TTC23: variants seen among roughly 807,000 people sequenced by gnomAD.
TTC23 encodes tetratricopeptide repeat domain 23, also known as tetratricopeptide repeat protein 23.
In TTC23, 58 loss-of-function variants were observed where a neutral mutation model predicts 55.1. That is an observed-to-expected ratio of 1.05 (90% CI 0.85 to 1.31). TTC23 has a LOEUF of 1.31. Ranked by LOEUF, TTC23 falls within the 50% of genes most tolerant of loss-of-function variation. The probability of loss-of-function intolerance (pLI) is 0.00; values close to 1 mark genes in which losing one functional copy is unlikely to be tolerated. For missense variants in TTC23, 516 were observed against 534.4 expected, an observed-to-expected ratio of 0.97 and a Z score of 0.34; for synonymous variants, 203 against 199.9, an observed-to-expected ratio of 1.02 and a Z score of -0.13.
At chr15:99,184,588 T>C (rs2074485769) in intron 9 of TTC23, among the ~76,000 whole-genome samples, 1 of 152,208 alleles carries the variant, frequency 6.6e-6, no homozygotes, top group South Asian at 2.1e-4. Context: ...TGAACGGGTG[T>C]ATTTACCCAA....
At chr15:99,237,421 A>G (rs1422134247) in intron 3 of TTC23, among the ~76,000 whole-genome samples, 3 of 152,264 alleles carry the variant, frequency 2.0e-5, no homozygotes, top group Non-Finnish European at 4.4e-5. Flanking sequence ...GTAAATGGGT[A>G]AGCAAACTGT....
intron 4 of TTC23, among the ~76,000 whole-genome samples, chr15:99,234,520 G>A (rs1477574536): frequency 1.3e-5 from 2 of 152,124 alleles, no homozygotes; most frequent in East Asian, 1.9e-4. Flanking sequence ...ACAGGTGCCC[G>A]CCACCATGCC....
chr15:99,245,212 T>G (rs1218493773), intron 2 of TTC23, among the ~76,000 whole-genome samples, 177 bp downstream of exon 2: 1 of 152,078 alleles, frequency 6.6e-6, no homozygotes, highest in Non-Finnish European at 1.5e-5. Flanking sequence ...GGTACTGGCA[T>G]AAGAAATGAC....
At position 99,139,758 on chromosome 15, in the gene TTC23, A is replaced by G. The variant is rs183517945; in HGVS notation, c.1144-359T>C. On this transcript the variant is annotated intron_variant, in intron 12 of 13. Coordinates refer to ENST00000394132, the MANE Select transcript of TTC23 (RefSeq NM_001288615.3). ...CCTTGTTATAGCCTGGAAAAGATTT[A>G]AAAAAATAGTTTTGTTTTTTTTGTA... 6 of 1,313,354 alleles carry G rather than the reference A, an allele frequency of 4.6e-6. No homozygotes were observed. In the Middle Eastern group the frequency reaches 7.4e-4, roughly 162 times the overall value. The allele number at this position is 1,313,354 out of a possible 1,614,324, so 81.4% of individuals were successfully genotyped here.
intron 10 of TTC23, among the ~76,000 whole-genome samples, chr15:99,169,110 C>G (rs2072558866): frequency 1.3e-5 from 2 of 152,216 alleles, no homozygotes; most frequent in South Asian, 4.1e-4. Context: ...CCACTGCACC[C>G]TCACTTCCCC....
intron 8 of TTC23, among the ~76,000 whole-genome samples, chr15:99,214,048 C>T (rs568278621): frequency 3.3e-5 from 5 of 152,266 alleles, no homozygotes; most frequent in African/African-American, 1.2e-4. Context: ...CACATCCTTC[C>T]AAATGTTTGC....
intron 12 of TTC23, chr15:99,148,421 C>T: frequency 7.0e-6 from 1 of 142,902 alleles, no homozygotes; most frequent in South Asian, 2.3e-4. Flanking sequence ...TGCCTACAGC[C>T]TCTGAATAAA....
chr15:99,202,773 T>C (rs1300950986), intron 8 of TTC23, among the ~76,000 whole-genome samples: 1 of 151,992 alleles, frequency 6.6e-6, no homozygotes, highest in Non-Finnish European at 1.5e-5. Flanking sequence ...GGAGAATCAG[T>C]TGTAAGTAAG....
intron 8 of TTC23, among the ~76,000 whole-genome samples, chr15:99,203,026 C>CA (rs1491543513): frequency 6.6e-6 from 1 of 152,182 alleles, no homozygotes; most frequent in East Asian, 1.9e-4. Flanking sequence ...GCAACAGCCT[C>CA]AGTTTGTTCC....
chr15:99,200,469 G>A (rs1272542806), intron 8 of TTC23, among the ~76,000 whole-genome samples: 1 of 152,146 alleles, frequency 6.6e-6, no homozygotes, highest in African/African-American at 2.4e-5. Flanking sequence ...ATATGGGTAG[G>A]TATTGGTTTA....
chr15:99,182,782 A>G (rs527578698), intron 9 of TTC23, among the ~76,000 whole-genome samples: 1 of 152,160 alleles, frequency 6.6e-6, no homozygotes, highest in South Asian at 2.1e-4. Context: ...TTGATTTTTA[A>G]AAAACAAAGA....
chr15:99,147,257 G>C (rs1670203), intron 12 of TTC23, among the ~76,000 whole-genome samples: 2 of 123,240 alleles, frequency 1.6e-5, no homozygotes, highest in African/African-American at 3.2e-5. Context: ...ACAGAGTCTC[G>C]CTCTGTCACC....
chr15:99,139,666 A>T, intron 12 of TTC23: 1 of 1,423,262 alleles, frequency 7.0e-7, no homozygotes, highest in Non-Finnish European at 9.3e-7. Flanking sequence ...TAGTATTTTT[A>T]AAAATAAAGG....
At chr15:99,212,807 T>C (rs979367976) in intron 8 of TTC23, among the ~76,000 whole-genome samples, 8 of 151,774 alleles carry the variant, frequency 5.3e-5, no homozygotes, top group Non-Finnish European at 2.9e-5. Context: ...AATATAGTAG[T>C]AAGACCCTGT....
At chr15:99,212,544 G>C (rs1380070110) in intron 8 of TTC23, among the ~76,000 whole-genome samples, 2 of 152,164 alleles carry the variant, frequency 1.3e-5, no homozygotes, top group Non-Finnish European at 2.9e-5. Flanking sequence ...GGAAGAAGGA[G>C]AGAAGTTTCA....
chr15:99,158,066 G>C (rs1264933225), intron 11 of TTC23: 1 of 152,206 alleles, frequency 6.6e-6, no homozygotes, highest in Non-Finnish European at 1.5e-5. Flanking sequence ...GCCGGGGTAG[G>C]GGAACCACAT....
chr15:99,148,491 G>A (rs1555495183), intron 12 of TTC23: 1 of 149,454 alleles, frequency 6.7e-6, no homozygotes, highest in Admixed American at 6.7e-5. Flanking sequence ...AGTTTTTGAA[G>A]AAAGGGGTCA....
At chr15:99,223,602 G>T (rs1406479733) in intron 5 of TTC23, among the ~76,000 whole-genome samples, 1 of 152,196 alleles carries the variant, frequency 6.6e-6, no homozygotes, top group African/African-American at 2.4e-5. Flanking sequence ...AATTTTGTTA[G>T]GACAGCACCA....
At chr15:99,151,104 A>G (rs1555496669) in intron 12 of TTC23, among the ~76,000 whole-genome samples, 1 of 152,100 alleles carries the variant, frequency 6.6e-6, no homozygotes, top group Non-Finnish European at 1.5e-5. Context: ...TAACTCCCTC[A>G]TTGGTCTGGG....
Sources: allele counts gnomAD v4.1 joint callset (sites outside exome capture counted in the v4.1 genomes callset), GRCh38; gene constraint gnomAD v4.1.1; transcripts MANE v1.5; gene names NCBI Gene and HGNC (gene_info 2026-07-23, HGNC 2026-07-21).